Variants in FAM98A observed in about 807,000 individuals in gnomAD.
FAM98A encodes tRNA splicing ligase complex subunit 3A, also known as protein FAM98A.
A neutral mutation model predicts 62.9 loss-of-function variants in FAM98A; 25 were observed. The ratio of observed to expected loss-of-function variants is 0.40; its 90% CI spans 0.29 to 0.56. FAM98A has a LOEUF of 0.56. Ranked by LOEUF, FAM98A falls within the 20% of genes least tolerant of loss-of-function variation. The pLI is 0.51. For synonymous variants in FAM98A, 252 were observed against 228.6 expected, an observed-to-expected ratio of 1.10 and a Z score of -0.92; for missense variants, 653 against 640.7, an observed-to-expected ratio of 1.02 and a Z score of -0.21.
intron 2 of FAM98A, 72 bp downstream of exon 2, chr2:33,595,417 T>C (rs184397422): frequency 2.3e-4 from 295 of 1,285,832 alleles, no homozygotes; most frequent in Non-Finnish European, 2.9e-4. Flanking sequence ...AGCTTTAGTA[T>C]TGATAATGTT....
chr2:33,591,826 T>A lies in FAM98A; in HGVS notation c.337+254A>T, dbSNP rs184398060. 1.4e-3 allele frequency: 447 copies of A among 308,890 alleles called. 4 individuals carry two copies. Among genetic ancestry groups the A allele is most frequent in the Admixed American group, 1.3e-3 (29 of 22,826 alleles). The allele number at this position is 308,890 out of a possible 1,614,324, so 19.1% of individuals were successfully genotyped here. A position where few individuals can be genotyped will look rare whatever the true frequency, so the allele number is the denominator to read the frequency against. On this transcript the variant is annotated intron_variant, in intron 3 of 7. Coordinates refer to ENST00000238823, the MANE Select transcript of FAM98A (RefSeq NM_015475.5). ...ACTCCAAAACTACCAGTGATCACAT[T>A]AGGAGAAGCACAACGGCCTGAGTAC...
chr2:33,594,564 TA>T (rs1558550334), intron 2 of FAM98A, among the ~76,000 whole-genome samples: 247 of 11,922 alleles, frequency 0.021, 53 homozygotes, highest in Non-Finnish European at 0.025. Flanking sequence ...AAAAAAATTA[TA>T]TATATATATA....
chr2:33,589,802 T>C (rs1677632186), intron 3 of FAM98A: 1 of 152,186 alleles, frequency 6.6e-6, no homozygotes, highest in South Asian at 2.1e-4. Flanking sequence ...ATTTATATAT[T>C]GTCTATGGCT....
intron 2 of FAM98A, among the ~76,000 whole-genome samples, chr2:33,592,728 T>C (rs533919321): frequency 2.6e-4 from 40 of 152,362 alleles, no homozygotes; most frequent in African/African-American, 8.4e-4. Context: ...GAGTCTTTAA[T>C]GGTTCCCTAA....
At chr2:33,588,243 T>A in intron 4 of FAM98A, 92 bp downstream of exon 4, 1 of 996,020 alleles carries the variant, frequency 1.0e-6, no homozygotes, top group Non-Finnish European at 1.5e-6. Context: ...CACATTAGGT[T>A]CCCATTAAGA....
At position 33,599,150 on chromosome 2, in the gene FAM98A, C is replaced by T. The variant is rs1336120519; in HGVS notation, c.53+19G>A. 1.2e-6 allele frequency: 2 copies of T among 1,610,290 alleles called. No homozygotes were observed. The highest frequency in any genetic ancestry group is 1.7e-6 in the Non-Finnish European group (2 of 1,176,582). Reference sequence around the variant, plus strand: ...CCGGCAGCGTGGGGCTTGGGAGACCCGTGCCCTGACAATCTTACCCTAGAT... The same window carrying T: ...CCGGCAGCGTGGGGCTTGGGAGACCTGTGCCCTGACAATCTTACCCTAGAT... On this transcript the variant is annotated intron_variant, in intron 1 of 7. Transcript: ENST00000238823.
In FAM98A at chr2:33,588,536, A is replaced by C; in HGVS notation, c.338-17T>G. ...TGAGGTATGCTGAAGTAAACAAAAT[A>C]AGATTTCAAAATGAGATACAGCTAT... On this transcript the variant is annotated splice_polypyrimidine_tract_variant and intron_variant, in intron 3 of 7. Coordinates refer to ENST00000238823, the MANE Select transcript of FAM98A (RefSeq NM_015475.5). 1 of 1,606,848 alleles carries C rather than the reference A, an allele frequency of 6.2e-7. No homozygotes were observed.
intron 2 of FAM98A, among the ~76,000 whole-genome samples, chr2:33,593,532 A>G (rs1677722574): frequency 6.6e-6 from 1 of 152,242 alleles, no homozygotes; most frequent in African/African-American, 2.4e-5. Flanking sequence ...ATATAAAAAA[A>G]GGTATAGAGT....
At chr2:33,597,771 T>A (rs1312069746) in intron 1 of FAM98A, among the ~76,000 whole-genome samples, 1 of 152,184 alleles carries the variant, frequency 6.6e-6, no homozygotes, top group Non-Finnish European at 1.5e-5. Context: ...TTTCATTTCC[T>A]TTCCCAGTAA....
chr2:33,597,812 AT>A (rs1174099605), intron 1 of FAM98A, among the ~76,000 whole-genome samples: 1 of 152,130 alleles, frequency 6.6e-6, no homozygotes, highest in East Asian at 1.9e-4. Context: ...CTCACAGCAT[AT>A]TTTCCCAGTA....
chr2:33,586,939 T>C (rs1172988394), intron 5 of FAM98A: 1 of 521,440 alleles, frequency 1.9e-6, no homozygotes, highest in East Asian at 3.0e-5. Flanking sequence ...CTCAGCCCAG[T>C]GAAGTTTTTG....
intron 3 of FAM98A, among the ~76,000 whole-genome samples, chr2:33,591,253 A>G (rs1466612411): frequency 1.3e-5 from 2 of 151,944 alleles, no homozygotes; most frequent in African/African-American, 4.8e-5. Context: ...TTCAGAAACC[A>G]TAATAGAGTT....
rs1302877055 is a variant in FAM98A, at chr2:33,599,186, C to T, written c.36G>A (p.Glu12=). The T allele has an allele frequency of 1.9e-6, 3 of 1,613,926 alleles. No individual in the cohort carries two copies. Among genetic ancestry groups the T allele is most frequent in the African/African-American group, 2.7e-5 (2 of 74,916 alleles). The part of the protein sequence containing the change: ...ECDLMETDIL[E]SLEDLGYKGP... ...AATCTTACCCTAGATCTTCCAACGA[C>T]TCCAAGATGTCAGTCTCCATGAGGT... Residue 12 remains glutamate, a synonymous_variant, in exon 1 of 8, where the codon GAG becomes GAA. Coordinates refer to ENST00000238823, the MANE Select transcript of FAM98A (RefSeq NM_015475.5).
At chr2:33,597,303 G>A (rs1677835023) in intron 1 of FAM98A, among the ~76,000 whole-genome samples, 1 of 152,084 alleles carries the variant, frequency 6.6e-6, no homozygotes, top group South Asian at 2.1e-4. Flanking sequence ...AGACCAGCCT[G>A]GTCACCAGAG....
At position 33,586,819 on chromosome 2, in the gene FAM98A, C is replaced by A. The variant is rs901368445; in HGVS notation, c.604-141G>T. 1.2e-5 allele frequency: 7 copies of A among 602,544 alleles called. No individual in the cohort carries two copies. The African/African-American group carries it at 1.3e-4, about 11-fold the overall frequency. The allele number at this position is 602,544 out of a possible 1,614,324, so 37.3% of individuals were successfully genotyped here. Reference sequence around the variant, plus strand: ...AAAAGTTCTTATTCCATATAATATACTAACAATTAATGAAATGATAGGTGA... The same window carrying A: ...AAAAGTTCTTATTCCATATAATATAATAACAATTAATGAAATGATAGGTGA... On this transcript the variant is annotated intron_variant, in intron 5 of 7. Coordinates refer to ENST00000238823, the MANE Select transcript of FAM98A (RefSeq NM_015475.5).
Position 33,599,261 on chromosome 2 carries a change from C to A in FAM98A, c.-40G>T. ...CAAATTTCCGAGTCGTCAGGCTCCCCTCTTCGCCGGCAACGCGTACACTCG... is the reference window on the plus strand; with the variant it reads ...CAAATTTCCGAGTCGTCAGGCTCCCATCTTCGCCGGCAACGCGTACACTCG... On this transcript the variant is annotated 5_prime_UTR_variant, in exon 1 of 8. The change creates a new upstream start codon in the 5' untranslated region. Transcript: ENST00000238823. 1 of 1,568,652 alleles carries A rather than the reference C, an allele frequency of 6.4e-7. No individual in the cohort carries two copies. The highest frequency in any genetic ancestry group is 8.8e-7 in the Non-Finnish European group (1 of 1,138,434).
chr2:33,586,312 CATA>C (rs1352058302), intron 6 of FAM98A, among the ~76,000 whole-genome samples: 1 of 152,148 alleles, frequency 6.6e-6, no homozygotes, highest in African/African-American at 2.4e-5. Context: ...CCATTTCTCT[CATA>C]ATAAGAACTT....
Position 33,585,553 on chromosome 2 carries a change from T to C in FAM98A, c.865A>G (p.Lys289Glu). 6.2e-7 allele frequency: 1 copy of C among 1,614,236 alleles called. No homozygotes were observed. ...LRTSSGSIRE[K>E]TACAINKVLM... ...ACCTTATTGATGGCACAGGCAGTCT[T>C]TTCTCTTATAGAGCCGCTGCTTGTC... Residue 289 changes from lysine to glutamate, a missense_variant, in exon 7 of 8, where the codon AAG becomes GAG. Physicochemically the swap from Lys to Glu is moderately conservative, Grantham distance 56 (BLOSUM62 1). Coordinates refer to ENST00000238823, the MANE Select transcript of FAM98A (RefSeq NM_015475.5).
rs371090363 is a variant in FAM98A, at chr2:33,592,214, C to T, written c.203G>A (p.Ser68Asn). The T allele has an allele frequency of 2.5e-6, 4 of 1,602,954 alleles. No individual in the cohort carries two copies. The highest frequency in any genetic ancestry group is 3.4e-6 in the Non-Finnish European group (4 of 1,173,716). The part of the protein sequence containing the change: ...KLEENVQATN[S>N]PSEAEEFQLE... ...CTGGAATTCTTCAGCTTCACTCGGA[C>T]CTTTTAAGAATTAAAATAATCTTAT... The change falls in exon 3 of 8, where the codon AGT becomes AAT. Residue 68 changes from serine to asparagine, a missense_variant and splice_region_variant. Transcript: ENST00000238823.
Sources: gnomAD v4.1 joint callset for allele counts (sites outside exome capture counted in the v4.1 genomes callset) on GRCh38, gnomAD v4.1.1 for gene constraint, MANE v1.5 for transcripts, NCBI Gene and HGNC (gene_info 2026-07-23, HGNC 2026-07-21) for gene names.